Variants in FCRL5 observed in about 807,000 individuals in gnomAD.
FCRL5 encodes the protein Fc receptor-like protein 5.
Under a neutral mutation model 92.1 loss-of-function variants are expected in FCRL5, and 79 were observed. The observed-to-expected ratio is 0.86, with a 90% confidence interval of 0.72 to 1.03. The LOEUF is 1.03. FCRL5 is among the 50% of genes least tolerant of loss of function. The pLI, the probability that FCRL5 is intolerant of heterozygous loss-of-function variation, is 0.00. For synonymous variants in FCRL5, 466 were observed against 469.3 expected, an observed-to-expected ratio of 0.99 and a Z score of 0.09; for missense variants, 1,160 against 1,181.1, an observed-to-expected ratio of 0.98 and a Z score of 0.26.
At chr1:157,548,230 C>T (rs1651648807) in intron 2 of FCRL5, among the ~76,000 whole-genome samples, 1 of 152,228 alleles carries the variant, frequency 6.6e-6, no homozygotes, top group Non-Finnish European at 1.5e-5. Context: ...ATGAAGCTAT[C>T]CTGGCCCTTG....
rs369083606 is a variant in FCRL5, at chr1:157,539,106, G to A, written c.1382C>T (p.Ala461Val). Residue 461 changes from alanine to valine, a missense_variant, in exon 7 of 17, where the codon GCG becomes GTG. Coordinates refer to ENST00000361835, the MANE Select transcript of FCRL5 (RefSeq NM_031281.3). Reference protein sequence around the residue: ...DNGFGPQRSKAVSLSVTVPVS... With the variant: ...DNGFGPQRSKVVSLSVTVPVS... ...CTTACCAGTGACGGAGAGGCTCACC[G>A]CCTTACTGCGCTGGGGGCCAAAGCC... 2.0e-5 allele frequency: 33 copies of A among 1,613,778 alleles called. No homozygotes were observed. Among genetic ancestry groups the A allele is most frequent in the East Asian group, 1.8e-4 (8 of 44,880 alleles).
chr1:157,519,754 A>G lies in FCRL5; in HGVS notation c.2649T>C (p.Ser883=). The part of the protein sequence containing the change: ...LSRKAGRKPA[S]DPARSPSDSD... ...AGCTCAGCTCTTACCTGGCGGGGTC[A>G]GAGGCAGGCTTTCTCCCTGTAAAGG... Residue 883 remains serine, a synonymous_variant, in exon 13 of 17, where the codon TCT becomes TCC. Transcript: ENST00000361835. 6.2e-7 allele frequency: 1 copy of G among 1,614,122 alleles called. No homozygotes were observed. Among genetic ancestry groups the G allele is most frequent in the South Asian group, 1.1e-5 (1 of 91,070 alleles).
chr1:157,530,430 G>A (rs1180017039), intron 8 of FCRL5, among the ~76,000 whole-genome samples: 2 of 152,268 alleles, frequency 1.3e-5, no homozygotes, highest in Non-Finnish European at 2.9e-5. Context: ...GCAATGGCGC[G>A]ATCTTGGCTC....
chr1:157,547,328 A>G (rs1651598735), intron 2 of FCRL5, 131 bp from the exon 3 acceptor site: 1 of 1,204,674 alleles, frequency 8.3e-7, no homozygotes, highest in Non-Finnish European at 1.2e-6. Flanking sequence ...GGTCACTGAT[A>G]GCTCAAAGCT....
rs60779838 is a variant in FCRL5, at chr1:157,552,514, G to C, written c.-152C>G. On this transcript the variant is annotated 5_prime_UTR_variant, in exon 1 of 17. Coordinates refer to ENST00000361835, the MANE Select transcript of FCRL5 (RefSeq NM_031281.3). ...CTCTCAAAAAGAGCAGAATGCATTAGTGAATTGAAAAAAGGAAGTGGGAGT... is the reference window on the plus strand; with the variant it reads ...CTCTCAAAAAGAGCAGAATGCATTACTGAATTGAAAAAAGGAAGTGGGAGT... The C allele has an allele frequency of 1.4e-6, 1 of 696,774 alleles. No individual in the cohort carries two copies. The highest frequency in any genetic ancestry group is 2.5e-6 in the Non-Finnish European group (1 of 407,618). 43.2% of individuals were successfully genotyped at this position (696,774 alleles called of 1,614,324 possible).
chr1:157,544,219 C>T, intron 5 of FCRL5, 43 bp downstream of exon 5: 1 of 1,604,932 alleles, frequency 6.2e-7, no homozygotes, highest in Non-Finnish European at 8.5e-7. Flanking sequence ...TCCCACTTTT[C>T]CAGCCCTCTC....
At chr1:157,526,438 T>C (rs896132180) in intron 9 of FCRL5, among the ~76,000 whole-genome samples, 9 of 152,070 alleles carry the variant, frequency 5.9e-5, no homozygotes, top group African/African-American at 2.2e-4. Flanking sequence ...TATGGAGGTA[T>C]AAGTGGGACC....
intron 8 of FCRL5, 94 bp downstream of exon 8, chr1:157,534,520 G>C: frequency 4.2e-6 from 6 of 1,443,490 alleles, no homozygotes; most frequent in Non-Finnish European, 5.8e-6. Flanking sequence ...AGTTGATTAG[G>C]GGAGGAAACT....
intron 1 of FCRL5, 146 bp downstream of exon 1, chr1:157,552,186 T>C (rs1651851632): frequency 2.7e-6 from 2 of 731,638 alleles, no homozygotes; most frequent in Non-Finnish European, 4.6e-6. Context: ...AGCCCTGAGC[T>C]ACAGAGTAAA....
Position 157,544,300 on chromosome 1 carries a change from A to C in FCRL5, c.806T>G (p.Val269Gly). 1 of 1,614,172 alleles carries C rather than the reference A, an allele frequency of 6.2e-7. No homozygotes were observed. Among genetic ancestry groups the C allele is most frequent in the Non-Finnish European group, 8.5e-7 (1 of 1,180,016 alleles). Reference sequence around the variant, plus strand: ...CCAGGATCTCGGGCTGTCAGATATGACGCTGTAAGGCATTGTTGCTGCCTT... The same window carrying C: ...CCAGGATCTCGGGCTGTCAGATATGCCGCTGTAAGGCATTGTTGCTGCCTT... The part of the protein sequence containing the change: ...WCKAATMPYS[V>G]ISDSPRSWIQ... Residue 269 changes from valine to glycine, a missense_variant, in exon 5 of 17, where the codon GTC becomes GGC. Val to Gly is a moderately radical substitution (Grantham distance 109). Coordinates refer to ENST00000361835, the MANE Select transcript of FCRL5 (RefSeq NM_031281.3).
intron 8 of FCRL5, chr1:157,532,183 T>A (rs1650727418): frequency 6.6e-6 from 1 of 152,206 alleles, no homozygotes; most frequent in African/African-American, 2.4e-5. Flanking sequence ...CCTCTTTCCC[T>A]GATCATTTGT....
intron 15 of FCRL5, among the ~76,000 whole-genome samples, chr1:157,516,988 C>T (rs1289785506): frequency 6.6e-6 from 1 of 152,168 alleles, no homozygotes; most frequent in Admixed American, 6.5e-5. Flanking sequence ...GAATGAGGCA[C>T]AAACACAATT....
Position 157,544,374 on chromosome 1 carries a change from A to G in FCRL5, c.732T>C (p.Asn244=). The change falls in exon 5 of 17, where the codon AAT becomes AAC. Residue 244 remains asparagine, a synonymous_variant. Transcript: ENST00000361835. ...TLGLGWSLSP[N]FQITAMWSKD... is the part of the protein sequence containing the mutation. ...TACTCCACATGGCAGTAATCTGGAA[A>G]TTCGGGGAGAGACTCCAGCCTAATC... 2 of 1,614,210 alleles carry G rather than the reference A, an allele frequency of 1.2e-6. No homozygotes were observed. The highest frequency in any genetic ancestry group is 8.5e-7 in the Non-Finnish European group (1 of 1,180,036).
intron 7 of FCRL5, among the ~76,000 whole-genome samples, chr1:157,538,007 T>G (rs1164869066): frequency 6.6e-6 from 1 of 152,192 alleles, no homozygotes; most frequent in Non-Finnish European, 1.5e-5. Context: ...TAGTGTAGTC[T>G]TAGATGCATC....
At chr1:157,551,030 T>C (rs780208583) in intron 1 of FCRL5, among the ~76,000 whole-genome samples, 12 of 152,252 alleles carry the variant, frequency 7.9e-5, no homozygotes, top group Non-Finnish European at 1.2e-4. Context: ...TTCACCTGAA[T>C]ATTTTGGCTT....
rs756204225 is a variant in FCRL5 at position 157,521,069 on chromosome 1, G to A, written c.2463C>T (p.Ala821=). The A allele has an allele frequency of 3.7e-6, 6 of 1,613,968 alleles. No homozygotes were observed. The highest frequency in any genetic ancestry group is 1.7e-5 in the Admixed American group (1 of 59,982). The change falls in exon 11 of 17, where the codon GCC becomes GCT. Residue 821 remains alanine, a synonymous_variant. Coordinates refer to ENST00000361835, the MANE Select transcript of FCRL5 (RefSeq NM_031281.3). The stretch of plus-strand genomic sequence containing the variant: ...TGCGCTGGGCCCCGAGGCCATTGTC[G>A]GCCTCACAGGAGTAGTTTCCAGAGT... ...AEHSGNYSCE[A]DNGLGAQRSE...
At position 157,527,901 on chromosome 1, in the gene FCRL5, A is replaced by C; in HGVS notation, c.1682-6T>G. 3 of 1,552,454 alleles carry C rather than the reference A, an allele frequency of 1.9e-6. No homozygotes were observed. Among genetic ancestry groups the C allele is most frequent in the Non-Finnish European group, 2.6e-6 (3 of 1,152,832 alleles). ...GATGGGGCGAGACACTGGAACTGAG[A>C]GAGAAAATGAGTTAGGGACACATGT... On this transcript the variant is annotated splice_polypyrimidine_tract_variant and splice_region_variant and intron_variant, in intron 8 of 16. Coordinates refer to ENST00000361835, the MANE Select transcript of FCRL5 (RefSeq NM_031281.3).
In FCRL5 at chr1:157,527,736, G is replaced by T; in HGVS notation, c.1841C>A (p.Ser614Tyr). 1 of 1,614,220 alleles carries T rather than the reference G, an allele frequency of 6.2e-7. No individual in the cohort carries two copies. Among genetic ancestry groups the T allele is most frequent in the South Asian group, 1.1e-5 (1 of 91,090 alleles). Residue 614 changes from serine to tyrosine, a missense_variant, in exon 9 of 17, where the codon TCT (serine) becomes TAT (tyrosine). Physicochemically the swap from Ser to Tyr is moderately radical, Grantham distance 144. Coordinates refer to ENST00000361835, the MANE Select transcript of FCRL5 (RefSeq NM_031281.3). ...DVTLGSSSAP[S>Y]GGEASFNLSL... ...GAGGTTGAAAGAAGCTTCTCCTCCA[G>T]AGGGGGCTGAGCTGCTCCCCAGGGT...
chr1:157,531,265 A>G (rs1297249231), intron 8 of FCRL5, among the ~76,000 whole-genome samples: 2 of 152,264 alleles, frequency 1.3e-5, no homozygotes, highest in African/African-American at 2.4e-5. Context: ...TAAAACGCCA[A>G]TGAAGTATAA....
Sources: gnomAD v4.1 joint callset for allele counts (sites outside exome capture counted in the v4.1 genomes callset) on GRCh38, gnomAD v4.1.1 for gene constraint, MANE v1.5 for transcripts, NCBI Gene and HGNC (gene_info 2026-07-23, HGNC 2026-07-21) for gene names.